Variants in OSBP2 observed in about 807,000 individuals in gnomAD.
OSBP2 encodes the protein oxysterol-binding protein 2.
Under a neutral mutation model 96.0 loss-of-function variants are expected in OSBP2, and 66 were observed. The ratio of observed to expected loss-of-function variants is 0.69; its 90% CI spans 0.56 to 0.84. OSBP2 has a LOEUF of 0.84. Among genes scored for constraint, OSBP2 ranks in the 40% least tolerant of loss-of-function variants. OSBP2 has a pLI of 0.00. For synonymous variants in OSBP2, 525 were observed against 520.9 expected (o/e 1.01, Z -0.11); for missense variants, 1,038 against 1,222.7 (o/e 0.85, Z 2.25).
At chr22:30,742,161 G>A (rs1431999774) in intron 2 of OSBP2, among the ~76,000 whole-genome samples, 2 of 151,886 alleles carry the variant, frequency 1.3e-5, no homozygotes, top group African/African-American at 4.8e-5. Context: ...GGCTGGGTGT[G>A]GTGGCACATG....
chr22:30,739,719 A>G (rs1386104372), intron 1 of OSBP2, among the ~76,000 whole-genome samples: 2 of 151,336 alleles, frequency 1.3e-5, no homozygotes, highest in Admixed American at 6.6e-5. Context: ...AAACAGGGGA[A>G]TTGCAATAGA....
chr22:30,898,438 A>T (rs917862759), intron 12 of OSBP2, among the ~76,000 whole-genome samples: 3 of 152,162 alleles, frequency 2.0e-5, no homozygotes, highest in African/African-American at 7.2e-5. Context: ...TAAAGATACC[A>T]CCAGAGACTG....
intron 3 of OSBP2, among the ~76,000 whole-genome samples, chr22:30,873,496 A>G (rs1008682540): frequency 3.9e-5 from 6 of 152,144 alleles, no homozygotes; most frequent in Non-Finnish European, 5.9e-5. Flanking sequence ...CACGCACCGC[A>G]GTCCCCAGAA....
intron 1 of OSBP2, among the ~76,000 whole-genome samples, chr22:30,697,471 G>T (rs2089066197): frequency 6.6e-6 from 1 of 152,066 alleles, no homozygotes; most frequent in African/African-American, 2.4e-5. Context: ...TAGAGGCGGG[G>T]TTTCACCATG....
rs992481718 is a variant in OSBP2, at chr22:30,877,531, C to T, written c.1107+6849C>T. ...GCTTAAGGTGGAGAATGATTGAGTT[C>T]GTACATATTACAAGCTCAGGCTTGG... is the stretch of plus-strand genomic sequence containing the variant. On this transcript the variant is annotated intron_variant, in intron 3 of 13. Coordinates refer to ENST00000332585, the MANE Select transcript of OSBP2 (RefSeq NM_030758.4). 3.3e-5 allele frequency among the ~76,000 whole-genome samples: 5 copies of T among 152,252 alleles called. No homozygotes were observed. The Middle Eastern group carries it at 0.01, about 311-fold the overall frequency.
Position 30,887,632 on chromosome 22 carries a change from C to CA in OSBP2, c.1300+15dup. ...GCTTCATTGAGGGTGAGTGGGCAGC[C>CA]AGGGCAGGGCTGTCCCATGACCTTC... On this transcript the variant is annotated intron_variant, in intron 4 of 13. Transcript: ENST00000332585. 6.4e-7 allele frequency: 1 copy of CA among 1,569,702 alleles called. No homozygotes were observed. Among genetic ancestry groups the CA allele is most frequent in the Middle Eastern group, 2.0e-4 (1 of 5,044 alleles).
chr22:30,752,142 C>T lies in OSBP2; in HGVS notation c.853+10773C>T, dbSNP rs2090082402. Among the ~76,000 whole-genome samples the T allele has an allele frequency of 2.6e-5, 4 of 152,096 alleles. No individual in the cohort carries two copies. In the South Asian group the frequency reaches 8.3e-4, roughly 32 times the overall value. On this transcript the variant is annotated intron_variant, in intron 2 of 13. Transcript: ENST00000332585. ...GGCACCCAGCCACCTCTGCTCACTG[C>T]AGTAGTGATTCTCTGCCTGTGCATC...
chr22:30,895,636 C>A (rs546569465), intron 12 of OSBP2, among the ~76,000 whole-genome samples: 1 of 152,112 alleles, frequency 6.6e-6, no homozygotes, highest in Admixed American at 6.5e-5. Flanking sequence ...CACACAAAAA[C>A]CCACAATGAA....
intron 5 of OSBP2, among the ~76,000 whole-genome samples, chr22:30,888,645 T>A (rs2039870842): frequency 6.6e-6 from 1 of 152,108 alleles, no homozygotes; most frequent in South Asian, 2.1e-4. Context: ...GGAGGGTCGC[T>A]TGAGCCCAGG....
chr22:30,832,219 G>A (rs775603151), intron 2 of OSBP2, among the ~76,000 whole-genome samples: 1 of 152,000 alleles, frequency 6.6e-6, no homozygotes, highest in African/African-American at 2.4e-5. Context: ...AGTCCTTAAT[G>A]TATCCAGAAT....
chr22:30,722,199 G>A (rs543886336), intron 1 of OSBP2, among the ~76,000 whole-genome samples: 16 of 152,328 alleles, frequency 1.1e-4, no homozygotes, highest in Non-Finnish European at 2.2e-4. Flanking sequence ...GATCCCCTTT[G>A]TCACCAAAGT....
Position 30,870,553 on chromosome 22 carries a change from C to A in OSBP2, c.978C>A (p.His326Gln). 1 of 1,614,102 alleles carries A rather than the reference C, an allele frequency of 6.2e-7. No individual in the cohort carries two copies. Among genetic ancestry groups the A allele is most frequent in the Non-Finnish European group, 8.5e-7 (1 of 1,179,988 alleles). The change falls in exon 3 of 14, where the codon CAC becomes CAA. Residue 326 changes from histidine to glutamine, a missense_variant. This residue lies in a region of OSBP2 where 737 missense variants were observed against 913.3 expected (regional missense o/e 0.81). Coordinates refer to ENST00000332585, the MANE Select transcript of OSBP2 (RefSeq NM_030758.4). The surrounding 1 kb of genome is among the most constrained non-coding windows in gnomAD (Gnocchi z 4.1). The stretch of plus-strand genomic sequence containing the variant: ...CGTGCAATGACCTCATCGCCAAGCA[C>A]GGCGCTGCACTCCAGCGCTCCCTGA... Reference protein sequence around the residue: ...LSTCNDLIAKHGAALQRSLTE... With the variant: ...LSTCNDLIAKQGAALQRSLTE...
chr22:30,702,430 A>G (rs190254859), intron 1 of OSBP2, among the ~76,000 whole-genome samples: 1 of 152,116 alleles, frequency 6.6e-6, no homozygotes, highest in Non-Finnish European at 1.5e-5. Context: ...CCTGACCAAC[A>G]TGGCGAAATC....
intron 2 of OSBP2, among the ~76,000 whole-genome samples, chr22:30,742,200 C>T (rs1263682844): frequency 6.6e-6 from 1 of 151,166 alleles, no homozygotes; most frequent in Non-Finnish European, 1.5e-5. Flanking sequence ...TGGGAGGCTG[C>T]GGCAGGTGGA....
rs140421074 is a variant in OSBP2, at chr22:30,860,026, C to T, written c.854-10403C>T. On this transcript the variant is annotated intron_variant, in intron 2 of 13. Coordinates refer to ENST00000332585, the MANE Select transcript of OSBP2 (RefSeq NM_030758.4). Reference sequence around the variant, plus strand: ...GGAGCTGGAACTTGCTATTATGGGACGTTAAAGCTGGCAGGACCTGAGGTA... The same window carrying T: ...GGAGCTGGAACTTGCTATTATGGGATGTTAAAGCTGGCAGGACCTGAGGTA... 4.1e-4 allele frequency among the ~76,000 whole-genome samples: 63 copies of T among 152,240 alleles called. No individual in the cohort carries two copies. The East Asian group carries it at 0.012, about 28-fold the overall frequency.
intron 1 of OSBP2, among the ~76,000 whole-genome samples, chr22:30,739,871 G>A (rs1430520656): frequency 1.3e-5 from 2 of 151,758 alleles, no homozygotes; most frequent in Admixed American, 6.6e-5. Context: ...ACAGAGTCTC[G>A]CTCTGTAGCC....
rs1351033294 is a variant in OSBP2 at position 30,906,025 on chromosome 22, G to A, written c.2564G>A (p.Arg855Gln). 3 of 1,573,770 alleles carry A rather than the reference G, an allele frequency of 1.9e-6. No homozygotes were observed. Among genetic ancestry groups the A allele is most frequent in the African/African-American group, 1.3e-5 (1 of 74,104 alleles). Residue 855 changes from arginine to glutamine, a missense_variant, in exon 13 of 14, where the codon CGG (arginine) becomes CAG (glutamine). Around this residue, in one of 3 missense-constraint regions of OSBP2, gnomAD observed 737 missense variants for 913.3 expected, o/e 0.81. Transcript: ENST00000332585. ...AAGCAGCGCCTGTCGCGGCGCCGGC[G>A]GCTGGAGGCCTGCGGGCCGGGCAGC... ...EEKQRLSRRRRLEACGPGSSC... is the reference protein window; with the variant it reads ...EEKQRLSRRRQLEACGPGSSC...
chr22:30,787,553 A>G (rs2090609913), intron 2 of OSBP2, among the ~76,000 whole-genome samples: 1 of 152,130 alleles, frequency 6.6e-6, no homozygotes, highest in Non-Finnish European at 1.5e-5. Context: ...CATGCCTGTA[A>G]TCCCAGCGAA....
chr22:30,762,048 C>T (rs1438034976), intron 2 of OSBP2, among the ~76,000 whole-genome samples: 1 of 149,834 alleles, frequency 6.7e-6, no homozygotes, highest in African/African-American at 2.5e-5. Context: ...TGGCGAAACT[C>T]CATCTCTACC....
Sources: allele counts gnomAD v4.1 joint callset (sites outside exome capture counted in the v4.1 genomes callset), GRCh38; gene constraint gnomAD v4.1.1; regional missense constraint gnomAD v4.1.1; non-coding constraint Gnocchi (gnomAD v3.1); transcripts MANE v1.5; gene names NCBI Gene and HGNC (gene_info 2026-07-23, HGNC 2026-07-21).